PDE1C: variants seen among roughly 807,000 people sequenced by gnomAD.
The protein encoded by PDE1C is dual specificity calcium/calmodulin-dependent 3',5'-cyclic nucleotide phosphodiesterase 1C.
In PDE1C, 62 loss-of-function variants were observed where a neutral mutation model predicts 93.1. That is an observed-to-expected ratio of 0.67 (90% CI 0.54 to 0.82). The LOEUF (loss-of-function observed/expected upper bound fraction) is 0.82, where lower values mean the gene tolerates loss of function less well. Ranked by LOEUF, PDE1C falls within the 40% of genes least tolerant of loss-of-function variation. The pLI, the probability that PDE1C is intolerant of heterozygous loss-of-function variation, is 0.00. For synonymous variants in PDE1C, 325 were observed against 310.1 expected (o/e 1.05, Z -0.50); for missense variants, 742 against 884.6 (o/e 0.84, Z 2.04).
At chr7:31,890,368 AC>A (rs1798471235) in intron 2 of PDE1C, among the ~76,000 whole-genome samples, 1 of 152,210 alleles carries the variant, frequency 6.6e-6, no homozygotes, top group African/African-American at 2.4e-5. Flanking sequence ...AGAACTAAAA[AC>A]ATCTTTGAAT....
chr7:31,955,161 C>G (rs1807952087), intron 2 of PDE1C, among the ~76,000 whole-genome samples: 1 of 152,198 alleles, frequency 6.6e-6, no homozygotes, highest in South Asian at 2.1e-4. Context: ...CATCCAGAAG[C>G]AGCCACAGTG....
chr7:31,649,400 G>A, the PDE1C span, among the ~76,000 whole-genome samples: 1 of 152,184 alleles, frequency 6.6e-6, no homozygotes, highest in African/African-American at 2.4e-5. Flanking sequence ...AAAACAGCCA[G>A]CCTGCAAGAT....
intron 1 of PDE1C, among the ~76,000 whole-genome samples, chr7:32,364,677 A>G (rs887658424): frequency 1.2e-4 from 18 of 152,236 alleles, no homozygotes; most frequent in African/African-American, 3.9e-4. Context: ...CCCACCCACT[A>G]CTTATCTCCT....
the PDE1C span, among the ~76,000 whole-genome samples, chr7:31,683,686 C>A: frequency 1.3e-5 from 2 of 152,116 alleles, no homozygotes; most frequent in Non-Finnish European, 2.9e-5. Context: ...TTTCCCCCTC[C>A]CTGAATTGAG....
intron 7 of PDE1C, among the ~76,000 whole-genome samples, chr7:31,854,870 C>G (rs948433530): frequency 6.6e-6 from 1 of 152,026 alleles, no homozygotes. Flanking sequence ...AGTTCAAGAC[C>G]AGACTGGCAA....
intron 15 of PDE1C, among the ~76,000 whole-genome samples, chr7:31,813,206 T>A (rs1787763922): frequency 6.6e-6 from 1 of 152,154 alleles, no homozygotes; most frequent in African/African-American, 2.4e-5. Context: ...CCCTTACATG[T>A]TCCTCTTTTG....
At chr7:32,221,630 AG>A (rs1584983916) in intron 1 of PDE1C, among the ~76,000 whole-genome samples, 1 of 152,238 alleles carries the variant, frequency 6.6e-6, no homozygotes, top group East Asian at 1.9e-4. Context: ...CGCATTGAAA[AG>A]GAAAAGCCAA....
At chr7:32,294,163 G>A (rs1443954639) in intron 1 of PDE1C, among the ~76,000 whole-genome samples, 1 of 152,032 alleles carries the variant, frequency 6.6e-6, no homozygotes, top group African/African-American at 2.4e-5. Context: ...CCAAGGGTAG[G>A]TCAGGGAACC....
intron 3 of PDE1C, among the ~76,000 whole-genome samples, chr7:32,151,821 AT>A (rs1801277566): frequency 6.6e-6 from 1 of 152,296 alleles, no homozygotes; most frequent in Admixed American, 6.5e-5. Flanking sequence ...GTAATGGTTC[AT>A]TATGTTGATT....
chr7:32,094,336 T>A (rs1055337962), intron 3 of PDE1C, among the ~76,000 whole-genome samples: 1 of 152,142 alleles, frequency 6.6e-6, no homozygotes, highest in Non-Finnish European at 1.5e-5. Flanking sequence ...TTATCTTTAG[T>A]CACACTATCT....
chr7:31,754,813 G>A (rs1259659758), intron 17 of PDE1C, among the ~76,000 whole-genome samples: 1 of 152,316 alleles, frequency 6.6e-6, no homozygotes, highest in East Asian at 1.9e-4. Flanking sequence ...TACTGTAGTG[G>A]TGTATATATG....
chr7:32,080,506 A>G (rs371833294), intron 3 of PDE1C, among the ~76,000 whole-genome samples: 6 of 152,216 alleles, frequency 3.9e-5, no homozygotes, highest in African/African-American at 1.4e-4. Context: ...GGAAACGCAA[A>G]AAGCACTGAC....
chr7:32,381,579 C>T (rs763291192), intron 1 of PDE1C, among the ~76,000 whole-genome samples: 6 of 152,150 alleles, frequency 3.9e-5, no homozygotes, highest in Non-Finnish European at 8.8e-5. Context: ...TACCTCAGGG[C>T]CTCAATTACT....
At chr7:31,953,840 A>G (rs533837052) in intron 2 of PDE1C, among the ~76,000 whole-genome samples, 2 of 152,318 alleles carry the variant, frequency 1.3e-5, no homozygotes, top group South Asian at 4.1e-4. Context: ...AGTTAGTAAA[A>G]TATTAAGAAA....
the PDE1C span, chr7:31,687,052 G>A: frequency 6.6e-6 from 1 of 152,220 alleles, no homozygotes; most frequent in Non-Finnish European, 1.5e-5. Context: ...ACTCTATACT[G>A]TACTTTTGTA....
chr7:31,794,007 GATA>G (rs1784894546), intron 16 of PDE1C, among the ~76,000 whole-genome samples: 1 of 83,214 alleles, frequency 1.2e-5, no homozygotes, highest in African/African-American at 5.3e-5. Flanking sequence ...TAGATAGATA[GATA>G]GATAGATAGA....
rs554983184 is a variant in PDE1C at position 32,344,409 on chromosome 7, A to C, written c.310+83413T>G. 8.5e-5 allele frequency among the ~76,000 whole-genome samples: 13 copies of C among 152,312 alleles called. No homozygotes were observed. In the South Asian group the frequency reaches 1.2e-3, roughly 15 times the overall value. The stretch of plus-strand genomic sequence containing the variant: ...TTATATGAGAACTAAAAAACTTAAC[A>C]ATGGTTTACGGGGTACATTATCTAG... On this transcript the variant is annotated intron_variant, in intron 1 of 1. Coordinates refer to the PDE1C transcript ENST00000672256.
intron 1 of PDE1C, among the ~76,000 whole-genome samples, chr7:32,401,942 C>T (rs1208326835): frequency 5.9e-5 from 9 of 152,132 alleles, no homozygotes; most frequent in Admixed American, 5.9e-4. Context: ...ACAGATTATA[C>T]TATTAAGTAA....
chr7:31,639,507 GA>G, the PDE1C span, among the ~76,000 whole-genome samples: 2 of 149,290 alleles, frequency 1.3e-5, no homozygotes, highest in African/African-American at 4.9e-5. Context: ...GAACATACAG[GA>G]TATAGTTTTT....
Sources: allele counts gnomAD v4.1 joint callset (sites outside exome capture counted in the v4.1 genomes callset), GRCh38; gene constraint gnomAD v4.1.1; transcripts MANE v1.5; gene names NCBI Gene and HGNC (gene_info 2026-07-23, HGNC 2026-07-21).